Variants in CTNNA3 observed in about 807,000 individuals in gnomAD.
CTNNA3 encodes catenin alpha-3.
A neutral mutation model predicts 95.7 loss-of-function variants in CTNNA3; 76 were observed. That is an observed-to-expected ratio of 0.79 (90% CI 0.66 to 0.96). CTNNA3 has a LOEUF of 0.96. Among genes scored for constraint, CTNNA3 ranks in the 40% least tolerant of loss-of-function variants. The pLI is 0.00. For synonymous variants in CTNNA3, 431 were observed against 374.4 expected, an observed-to-expected ratio of 1.15 and a Z score of -1.74; for missense variants, 1,191 against 1,089.8, an observed-to-expected ratio of 1.09 and a Z score of -1.31.
At chr10:66,180,727 T>C (rs986081865) in intron 13 of CTNNA3, among the ~76,000 whole-genome samples, 16 of 152,176 alleles carry the variant, frequency 1.1e-4, no homozygotes, top group Admixed American at 3.9e-4. Flanking sequence ...TTACATAAAC[T>C]TGTAAACTAT....
chr10:67,432,534 C>T (rs1485710029), intron 5 of CTNNA3, among the ~76,000 whole-genome samples: 1 of 151,960 alleles, frequency 6.6e-6, no homozygotes, highest in Non-Finnish European at 1.5e-5. Flanking sequence ...TGTTCCCTGG[C>T]CTGTGGTGCT....
chr10:67,230,828 G>C (rs74951050), intron 5 of CTNNA3, among the ~76,000 whole-genome samples: 5 of 152,216 alleles, frequency 3.3e-5, no homozygotes, highest in Admixed American at 1.3e-4. Flanking sequence ...CACCGTGCGC[G>C]AGCCGAAGCA....
At chr10:66,245,122 G>A (rs1000130489) in intron 13 of CTNNA3, among the ~76,000 whole-genome samples, 6 of 152,166 alleles carry the variant, frequency 3.9e-5, no homozygotes, top group Admixed American at 3.9e-4. Context: ...GAGCAATGAG[G>A]GGTGGGTGAG....
intron 11 of CTNNA3, among the ~76,000 whole-genome samples, chr10:66,518,194 A>G (rs1001165468): frequency 7.9e-5 from 12 of 152,192 alleles, no homozygotes; most frequent in African/African-American, 2.7e-4. Flanking sequence ...GCAGATCCAG[A>G]ATATCGGTAT....
At chr10:66,360,843 TTCTTTCTTTCTTTCCTTTC>T (rs2092666565) in intron 12 of CTNNA3, among the ~76,000 whole-genome samples, 1 of 142,578 alleles carries the variant, frequency 7.0e-6, no homozygotes, top group Non-Finnish European at 1.5e-5. Context: ...CTTTCTTTCT[TTCTTTCTTTCTTTCCTTTC>T]TCTTTCTTTT....
intron 13 of CTNNA3, among the ~76,000 whole-genome samples, chr10:66,114,479 T>C (rs1395062525): frequency 2.7e-5 from 4 of 147,852 alleles, no homozygotes; most frequent in African/African-American, 9.8e-5. Flanking sequence ...TGCGTATATG[T>C]ATATATGTGT....
chr10:66,475,274 AT>A (rs1223871360), intron 11 of CTNNA3, among the ~76,000 whole-genome samples: 10 of 152,184 alleles, frequency 6.6e-5, no homozygotes, highest in African/African-American at 2.4e-4. Flanking sequence ...CTCAAAATGG[AT>A]TAAAGACTTA....
At chr10:67,313,406 T>C (rs1840901749) in intron 5 of CTNNA3, among the ~76,000 whole-genome samples, 2 of 151,066 alleles carry the variant, frequency 1.3e-5, no homozygotes, top group Admixed American at 1.3e-4. Flanking sequence ...CACTCCAGCC[T>C]GGGCGACAGA....
At chr10:67,236,679 A>T (rs1402009959) in intron 5 of CTNNA3, among the ~76,000 whole-genome samples, 3 of 151,820 alleles carry the variant, frequency 2.0e-5, no homozygotes, top group African/African-American at 7.2e-5. Flanking sequence ...AATAAAAAAT[A>T]AAAAAATAAA....
chr10:67,526,961 C>T (rs936406968), intron 4 of CTNNA3, among the ~76,000 whole-genome samples: 1 of 152,146 alleles, frequency 6.6e-6, no homozygotes, highest in Admixed American at 6.6e-5. Flanking sequence ...ATCATTGATG[C>T]TTTATGAAAA....
intron 7 of CTNNA3, chr10:67,055,177 C>T (rs1855347203): frequency 6.6e-6 from 1 of 152,186 alleles, no homozygotes; most frequent in South Asian, 2.1e-4. Flanking sequence ...TGCATAGGCT[C>T]TTTGCATCTC....
At chr10:66,545,427 T>C (rs1263001342) in intron 10 of CTNNA3, among the ~76,000 whole-genome samples, 2 of 152,136 alleles carry the variant, frequency 1.3e-5, no homozygotes, top group East Asian at 1.9e-4. Context: ...TTTTTCATTA[T>C]ATAAATATAA....
chr10:67,465,792 C>T (rs1054455173), intron 5 of CTNNA3, among the ~76,000 whole-genome samples: 2 of 152,130 alleles, frequency 1.3e-5, no homozygotes, highest in African/African-American at 2.4e-5. Flanking sequence ...CTGTACTGCA[C>T]ATGCACAAAA....
chr10:66,253,500 T>C (rs1465168166), intron 13 of CTNNA3, among the ~76,000 whole-genome samples: 4 of 152,158 alleles, frequency 2.6e-5, no homozygotes, highest in Non-Finnish European at 5.9e-5. Flanking sequence ...TAAACTTAGA[T>C]GGAAGTTAAA....
Position 66,479,374 on chromosome 10 carries a change from T to A in CTNNA3, c.1531+41243A>T, listed in dbSNP as rs1565002533. Among the ~76,000 whole-genome samples the A allele has an allele frequency of 2.6e-5, 4 of 152,216 alleles. No homozygotes were observed. In the South Asian group the frequency reaches 8.3e-4, roughly 32 times the overall value. On this transcript the variant is annotated intron_variant, in intron 11 of 17. Coordinates refer to ENST00000433211, the MANE Select transcript of CTNNA3 (RefSeq NM_013266.4). Reference sequence around the variant, plus strand: ...TACCTCAAGAGATTTTTGGCTTTTATTGACTCTTTGTACTTTCATATAAAA... The same window carrying A: ...TACCTCAAGAGATTTTTGGCTTTTAATGACTCTTTGTACTTTCATATAAAA...
Position 66,677,563 on chromosome 10 carries a change from T to C in CTNNA3, c.1282-55779A>G, listed in dbSNP as rs77010267. ...GACCCAATGGGAGGTAATTGAATCA[T>C]GTGGGCGGAGCTTTCCCATGCTGTT... On this transcript the variant is annotated intron_variant, in intron 9 of 17. Coordinates refer to ENST00000433211, the MANE Select transcript of CTNNA3 (RefSeq NM_013266.4). 9.1e-3 allele frequency among the ~76,000 whole-genome samples: 1,391 copies of C among 152,236 alleles called. 24 individuals carry two copies. The highest frequency in any genetic ancestry group is 0.031 in the African/African-American group (1,281 of 41,542).
intron 11 of CTNNA3, among the ~76,000 whole-genome samples, chr10:66,412,539 C>A (rs61867352): frequency 2.0e-5 from 3 of 147,992 alleles, no homozygotes; most frequent in Non-Finnish European, 4.4e-5. Context: ...CGGCTCACTG[C>A]AAGTTCTGTC....
intron 17 of CTNNA3, among the ~76,000 whole-genome samples, chr10:65,925,887 T>G (rs1297552607): frequency 6.6e-6 from 1 of 151,986 alleles, no homozygotes; most frequent in African/African-American, 2.4e-5. Flanking sequence ...TATCACTTCT[T>G]AAGCCATCTG....
At chr10:67,732,485 G>C (rs1564842610) in intron 1 of CTNNA3, among the ~76,000 whole-genome samples, 1 of 152,152 alleles carries the variant, frequency 6.6e-6, no homozygotes, top group Non-Finnish European at 1.5e-5. Flanking sequence ...AAGTTGAGAA[G>C]CCACTCGTGG....
Sources: allele counts gnomAD v4.1 joint callset (sites outside exome capture counted in the v4.1 genomes callset), GRCh38; gene constraint gnomAD v4.1.1; transcripts MANE v1.5; gene names NCBI Gene and HGNC (gene_info 2026-07-23, HGNC 2026-07-21).